Variants in DLGAP4 observed in about 807,000 individuals in gnomAD.
DLGAP4 encodes disks large-associated protein 4.
A neutral mutation model predicts 86.9 loss-of-function variants in DLGAP4; 18 were observed. That is an observed-to-expected ratio of 0.21 (90% CI 0.14 to 0.31). The LOEUF (loss-of-function observed/expected upper bound fraction) is 0.31, where lower values mean the gene tolerates loss of function less well. DLGAP4 is among the 10% of genes least tolerant of loss of function. The pLI is 1.00. For synonymous variants in DLGAP4, 548 were observed against 574.3 expected (o/e 0.95, Z 0.65); for missense variants, 1,085 against 1,362.6 (o/e 0.80, Z 3.21).
At position 36,527,093 on chromosome 20, in the gene DLGAP4, G is replaced by A. The variant is rs1022011631; in HGVS notation, c.*62G>A. 2.9e-5 allele frequency: 42 copies of A among 1,468,764 alleles called. No homozygotes were observed. The highest frequency in any genetic ancestry group is 7.0e-5 in the East Asian group (3 of 42,820). The allele number at this position is 1,468,764 out of a possible 1,614,324, so 91.0% of individuals were successfully genotyped here. Reference sequence around the variant, plus strand: ...AAAAACACAAAAACTAAGTGCGAACGGAACAGAGTTTTCTCAACCTTTGCT... The same window carrying A: ...AAAAACACAAAAACTAAGTGCGAACAGAACAGAGTTTTCTCAACCTTTGCT... On this transcript the variant is annotated 3_prime_UTR_variant, in exon 13 of 13. Coordinates refer to ENST00000339266, the MANE Select transcript of DLGAP4 (RefSeq NM_001365621.2).
intron 12 of DLGAP4, 92 bp from the exon 13 acceptor site, chr20:36,526,721 G>A: frequency 8.2e-7 from 1 of 1,219,246 alleles, no homozygotes; most frequent in South Asian, 1.6e-5. Context: ...CTGGGGTGGA[G>A]ACTCCAGCTG....
At chr20:36,463,946 G>T (rs1395761504) in intron 7 of DLGAP4, among the ~76,000 whole-genome samples, 1 of 152,218 alleles carries the variant, frequency 6.6e-6, no homozygotes, top group East Asian at 1.9e-4. Context: ...GTTTGAGCCA[G>T]GACTTCTGGG....
intron 7 of DLGAP4, among the ~76,000 whole-genome samples, chr20:36,448,926 C>G (rs562532669): frequency 7.2e-5 from 11 of 151,810 alleles, no homozygotes; most frequent in Admixed American, 7.2e-4. Flanking sequence ...AGAGCAAGAC[C>G]TTGTCTCAAA....
chr20:36,337,604 CTCCTGACTCTGGGA>C (rs2065335693), intron 1 of DLGAP4, among the ~76,000 whole-genome samples: 1 of 152,116 alleles, frequency 6.6e-6, no homozygotes. Flanking sequence ...CTCATGGGGT[CTCCTGACTCTGGGA>C]TCCTGAGGGT....
chr20:36,467,064 C>CTCTCTCTCTCTCT lies in DLGAP4; in HGVS notation c.1648+20127_1648+20128insTCTCTCTCTCTCT, dbSNP rs1555907464. ...TCTCTCTCTCTCTCTCTCTCTCTCTCCCCCCCCCTTCTCTCGGCCCTGCCT... is the reference window on the plus strand; with the variant it reads ...TCTCTCTCTCTCTCTCTCTCTCTCTCTCTCTCTCTCTCTCCCCCCCCTTCTCTCGGCCCTGCCT... On this transcript the variant is annotated intron_variant, in intron 7 of 12. Coordinates refer to ENST00000339266, the MANE Select transcript of DLGAP4 (RefSeq NM_001365621.2). 1.3e-3 allele frequency among the ~76,000 whole-genome samples: 156 copies of CTCTCTCTCTCTCT among 118,152 alleles called. 16 individuals are homozygous for CTCTCTCTCTCTCT. Among genetic ancestry groups the CTCTCTCTCTCTCT allele is most frequent in the African/African-American group, 7.0e-3 (144 of 20,594 alleles). 77.5% of individuals were successfully genotyped at this position (118,152 alleles called of 152,430 possible). A position where few individuals can be genotyped will look rare whatever the true frequency, so the allele number is the denominator to read the frequency against.
At chr20:36,501,976 C>CT (rs1358417485) in intron 10 of DLGAP4, among the ~76,000 whole-genome samples, 3 of 152,192 alleles carry the variant, frequency 2.0e-5, no homozygotes, top group African/African-American at 7.2e-5. Flanking sequence ...CTACCTGGGC[C>CT]TTTCCCCACT....
intron 2 of DLGAP4, among the ~76,000 whole-genome samples, chr20:36,396,969 C>T (rs758595924): frequency 6.6e-6 from 1 of 152,136 alleles, no homozygotes; most frequent in Non-Finnish European, 1.5e-5. Context: ...CCTTGAGGCA[C>T]CTGAAGCTGC....
chr20:36,471,958 T>G (rs2034685319), intron 7 of DLGAP4, among the ~76,000 whole-genome samples: 1 of 152,184 alleles, frequency 6.6e-6, no homozygotes, highest in African/African-American at 2.4e-5. Flanking sequence ...CCTAGGTTGC[T>G]GAGACCTCTA....
At chr20:36,462,140 C>T in intron 7 of DLGAP4, 2 of 1,022,226 alleles carry the variant, frequency 2.0e-6, no homozygotes, top group Non-Finnish European at 2.3e-6. Flanking sequence ...TTTCCCTCTT[C>T]TGGGTGTTCC....
intron 1 of DLGAP4, among the ~76,000 whole-genome samples, chr20:36,365,073 C>A (rs1405850275): frequency 6.6e-6 from 1 of 152,084 alleles, no homozygotes; most frequent in East Asian, 1.9e-4. Context: ...CTAGTCTGGG[C>A]AACAAAGTAA....
chr20:36,416,340 T>G (rs570313617), intron 2 of DLGAP4, among the ~76,000 whole-genome samples: 1 of 152,378 alleles, frequency 6.6e-6, no homozygotes, highest in Non-Finnish European at 1.5e-5. Context: ...TAGGCTGGTC[T>G]CGAACTCCTG....
intron 2 of DLGAP4, among the ~76,000 whole-genome samples, chr20:36,410,175 A>G (rs1051540372): frequency 2.6e-5 from 4 of 152,188 alleles, no homozygotes; most frequent in African/African-American, 9.7e-5. Context: ...TGGTAGCTGC[A>G]TACTGTAGCA....
chr20:36,355,866 G>A (rs1214707751), intron 1 of DLGAP4, among the ~76,000 whole-genome samples: 1 of 152,168 alleles, frequency 6.6e-6, no homozygotes, highest in Non-Finnish European at 1.5e-5. Context: ...CTGTTGAGGA[G>A]CCACACAGCT....
chr20:36,376,669 C>T (rs2031167393), intron 2 of DLGAP4, among the ~76,000 whole-genome samples: 1 of 151,824 alleles, frequency 6.6e-6, no homozygotes, highest in African/African-American at 2.4e-5. Flanking sequence ...CCCTGTGGAC[C>T]AATGTTGAGG....
At chr20:36,457,032 T>C (rs2147603232) in intron 7 of DLGAP4, among the ~76,000 whole-genome samples, 1 of 152,288 alleles carries the variant, frequency 6.6e-6, no homozygotes, top group Middle Eastern at 3.4e-3. Flanking sequence ...AATCCTTGCC[T>C]TCATGGAGAT....
intron 10 of DLGAP4, among the ~76,000 whole-genome samples, chr20:36,505,917 C>T (rs1488571434): frequency 6.6e-6 from 1 of 152,102 alleles, no homozygotes; most frequent in African/African-American, 2.4e-5. Context: ...AATGTTGGTC[C>T]TGCTGTCTCA....
In DLGAP4 at chr20:36,500,640, A is replaced by G. The variant is rs769796783; in HGVS notation, c.2512+29A>G. ...GGTGCCACATGGATGGTCCTTGGGC[A>G]AGGGTAGAAGGTGTTGGCAGCTGGT... On this transcript the variant is annotated intron_variant, in intron 10 of 12. Coordinates refer to ENST00000339266, the MANE Select transcript of DLGAP4 (RefSeq NM_001365621.2). The surrounding 1 kb of genome is among the most constrained non-coding windows in gnomAD (Gnocchi z 4.6). The G allele has an allele frequency of 7.0e-7, 1 of 1,428,370 alleles. No individual in the cohort carries two copies. Among genetic ancestry groups the G allele is most frequent in the South Asian group, 1.7e-5 (1 of 57,666 alleles). 88.5% of individuals were successfully genotyped at this position (1,428,370 alleles called of 1,614,324 possible). A position where few individuals can be genotyped will look rare whatever the true frequency, so the allele number is the denominator to read the frequency against.
At chr20:36,411,891 T>C (rs992449332) in intron 2 of DLGAP4, among the ~76,000 whole-genome samples, 5 of 152,234 alleles carry the variant, frequency 3.3e-5, no homozygotes, top group Non-Finnish European at 5.9e-5. Flanking sequence ...TCTGTGGAAA[T>C]CTTACTTGTC....
intron 2 of DLGAP4, among the ~76,000 whole-genome samples, chr20:36,423,455 C>CAAAAAAAAA (rs11434258): frequency 6.1e-5 from 1 of 16,334 alleles, no homozygotes; most frequent in Non-Finnish European, 1.0e-4. Flanking sequence ...GACTCCGTCT[C>CAAAAAAAAA]AAAAAAAAAA....
Sources: gnomAD v4.1 joint callset for allele counts (sites outside exome capture counted in the v4.1 genomes callset) on GRCh38, gnomAD v4.1.1 for gene constraint, Gnocchi (gnomAD v3.1) non-coding constraint, MANE v1.5 for transcripts, NCBI Gene and HGNC (gene_info 2026-07-23, HGNC 2026-07-21) for gene names.